The following CRTC1 variants were observed in gnomAD, a reference collection of about 807,000 sequenced individuals.
The protein encoded by CRTC1 is CREB-regulated transcription coactivator 1.
Under a neutral mutation model 66.1 loss-of-function variants are expected in CRTC1, and 18 were observed. The ratio of observed to expected loss-of-function variants is 0.27; its 90% confidence interval spans 0.19 to 0.40. The LOEUF (loss-of-function observed/expected upper bound fraction) is 0.40. CRTC1 is among the 10% of genes least tolerant of loss of function. CRTC1 has a pLI of 1.00. For missense variants in CRTC1, 669 were observed against 887.9 expected, an observed-to-expected ratio of 0.75 and a Z score of 3.13; for synonymous variants, 416 against 398.8, an observed-to-expected ratio of 1.04 and a Z score of -0.51.
intron 1 of CRTC1, among the ~76,000 whole-genome samples, chr19:18,692,606 A>G (rs1234797322): frequency 6.6e-6 from 1 of 151,340 alleles, no homozygotes; most frequent in Non-Finnish European, 1.5e-5. Context: ...TGTCTCAAAA[A>G]AAAAAAAAAA....
At chr19:18,731,847 A>G (rs897028912) in intron 1 of CRTC1, among the ~76,000 whole-genome samples, 1 of 152,038 alleles carries the variant, frequency 6.6e-6, no homozygotes, top group African/African-American at 2.4e-5. Context: ...TCACCTTTGT[A>G]CCACAGACAC....
chr19:18,756,033 A>C (rs2054476720), intron 6 of CRTC1, among the ~76,000 whole-genome samples: 1 of 152,038 alleles, frequency 6.6e-6, no homozygotes, highest in Admixed American at 6.6e-5. Flanking sequence ...CGGGAAAAAA[A>C]CTTTAAAAAA....
In CRTC1 at chr19:18,782,027, G is replaced by A. The variant is rs1196690795; in HGVS notation, c.*4645G>A. On this transcript the variant is annotated 3_prime_UTR_variant, in exon 14 of 14. Coordinates refer to ENST00000321949, the MANE Select transcript of CRTC1 (RefSeq NM_015321.3). ...GCAGCCAAAGTCCACTGGCCCTGCC[G>A]TGCCCCTGAGTAGGAAACTGTCCCC... 3.9e-5 allele frequency: 9 copies of A among 228,520 alleles called. No individual in the cohort carries two copies. Among genetic ancestry groups the A allele is most frequent in the East Asian group, 3.1e-4 (5 of 16,026 alleles). 14.2% of individuals were successfully genotyped at this position (228,520 alleles called of 1,614,324 possible).
At chr19:18,715,151 C>A (rs1477505045) in intron 1 of CRTC1, among the ~76,000 whole-genome samples, 1 of 152,240 alleles carries the variant, frequency 6.6e-6, no homozygotes, top group Non-Finnish European at 1.5e-5. Context: ...CCCGGAGCTC[C>A]TTGGCTTGTA....
intron 10 of CRTC1, among the ~76,000 whole-genome samples, chr19:18,770,558 C>T (rs2054838286): frequency 6.6e-6 from 1 of 152,210 alleles, no homozygotes; most frequent in African/African-American, 2.4e-5. Context: ...GTTTTCCCTG[C>T]CCATGGCGGT....
At position 18,742,909 on chromosome 19, in the gene CRTC1, G is replaced by A. The variant is rs200456495; in HGVS notation, c.127-1G>A. Reference sequence around the variant, plus strand: ...CGCAGCTGCTGGCTTCTCTCTCGCAGCTCCAGCTCCAGAAATCCCAGTACC... The same window carrying A: ...CGCAGCTGCTGGCTTCTCTCTCGCAACTCCAGCTCCAGAAATCCCAGTACC... On this transcript the variant is annotated splice_acceptor_variant, in intron 1 of 13. Coordinates refer to ENST00000321949, the MANE Select transcript of CRTC1 (RefSeq NM_015321.3). LOFTEE classifies it high-confidence loss of function. The A allele has an allele frequency of 2.9e-5, 46 of 1,612,122 alleles. No homozygotes were observed. In the Admixed American group the frequency reaches 3.8e-4, roughly 13 times the overall value.
At position 18,779,320 on chromosome 19, in the gene CRTC1, A is replaced by G. The variant is rs2055058240; in HGVS notation, c.*1938A>G. The G allele has an allele frequency of 4.4e-6, 1 of 227,480 alleles. No homozygotes were observed. The highest frequency in any genetic ancestry group is 6.3e-5 in the East Asian group (1 of 15,846). The allele number at this position is 227,480 out of a possible 1,614,324, so 14.1% of individuals were successfully genotyped here. On this transcript the variant is annotated 3_prime_UTR_variant, in exon 14 of 14. Transcript: ENST00000321949. Reference sequence around the variant, plus strand: ...CATGTGTCTGAGCAGCCAAGTGGCCACTCATAGGAGAAGGCTCCCTGGTCA... The same window carrying G: ...CATGTGTCTGAGCAGCCAAGTGGCCGCTCATAGGAGAAGGCTCCCTGGTCA...
At chr19:18,738,348 A>C (rs935453978) in intron 1 of CRTC1, among the ~76,000 whole-genome samples, 1 of 152,126 alleles carries the variant, frequency 6.6e-6, no homozygotes, top group Non-Finnish European at 1.5e-5. Flanking sequence ...AAATAGAAGT[A>C]AAAACTATAA....
At chr19:18,708,919 C>T (rs1051927497) in intron 1 of CRTC1, among the ~76,000 whole-genome samples, 3 of 152,210 alleles carry the variant, frequency 2.0e-5, no homozygotes, top group African/African-American at 7.2e-5. Flanking sequence ...TGTGGCCACC[C>T]TGGTGACTCC....
At chr19:18,763,881 A>G (rs1208802965) in intron 8 of CRTC1, among the ~76,000 whole-genome samples, 8 of 152,184 alleles carry the variant, frequency 5.3e-5, no homozygotes, top group African/African-American at 1.9e-4. Context: ...GCGGACACTC[A>G]GGAGAAGATG....
chr19:18,720,875 C>T (rs1434524787), intron 1 of CRTC1, among the ~76,000 whole-genome samples: 6 of 128,852 alleles, frequency 4.7e-5, no homozygotes, highest in African/African-American at 1.8e-4. Context: ...CCTCTCTGCC[C>T]GAGTACACTG....
At chr19:18,719,660 G>C (rs538647244) in intron 1 of CRTC1, among the ~76,000 whole-genome samples, 1 of 152,328 alleles carries the variant, frequency 6.6e-6, no homozygotes, top group South Asian at 2.1e-4. Context: ...CAAGCCCTGT[G>C]TCAGCAGGCA....
Position 18,777,554 on chromosome 19 carries a change from C to T in CRTC1, c.*172C>T, listed in dbSNP as rs2055020284. On this transcript the variant is annotated 3_prime_UTR_variant, in exon 14 of 14. Transcript: ENST00000321949. This position sits in a 1 kb window ranked among gnomAD's most constrained non-coding sequence, Gnocchi z 5.5. ...TTGTCCACCTCCCGCGAAGCCCAATCGCGAGGCCGCGAGCCGGGCCGTCCA... is the reference window on the plus strand; with the variant it reads ...TTGTCCACCTCCCGCGAAGCCCAATTGCGAGGCCGCGAGCCGGGCCGTCCA... 3 of 613,788 alleles carry T rather than the reference C, an allele frequency of 4.9e-6. No individual in the cohort carries two copies. Among genetic ancestry groups the T allele is most frequent in the East Asian group, 3.0e-5 (1 of 33,236 alleles). 38.0% of individuals were successfully genotyped at this position (613,788 alleles called of 1,614,324 possible).
rs149956426 is a variant in CRTC1 at position 18,752,406 on chromosome 19, C to T, written c.539-1094C>T. Among the ~76,000 whole-genome samples the T allele has an allele frequency of 3.6e-3, 542 of 152,282 alleles. 5 individuals are homozygous for T. The highest frequency in any genetic ancestry group is 0.012 in the African/African-American group (515 of 41,570). On this transcript the variant is annotated intron_variant, in intron 5 of 13. Coordinates refer to ENST00000321949, the MANE Select transcript of CRTC1 (RefSeq NM_015321.3). Reference sequence around the variant, plus strand: ...TGATCACAACTCGCTGCAGCCTCTACCTCTCAGGCTCAAGCGAGCCCTCCA... The same window carrying T: ...TGATCACAACTCGCTGCAGCCTCTATCTCTCAGGCTCAAGCGAGCCCTCCA...
chr19:18,768,821 C>G lies in CRTC1; in HGVS notation c.1320+28C>G, dbSNP rs916109243. 2 of 1,572,030 alleles carry G rather than the reference C, an allele frequency of 1.3e-6. No individual in the cohort carries two copies. Among genetic ancestry groups the G allele is most frequent in the Non-Finnish European group, 1.7e-6 (2 of 1,159,884 alleles). ...AAGCCCAGGGTGGGGTCCCTCGGGG[C>G]CTGACTGGGGGTCTTGTAGAGGACA... On this transcript the variant is annotated intron_variant, in intron 10 of 13. Transcript: ENST00000321949. The surrounding 1 kb of genome is among the most constrained non-coding windows in gnomAD (Gnocchi z 5.6).
At position 18,779,988 on chromosome 19, in the gene CRTC1, G is replaced by A. The variant is rs1252984200; in HGVS notation, c.*2606G>A. 1.7e-5 allele frequency: 4 copies of A among 228,774 alleles called. No homozygotes were observed. The highest frequency in any genetic ancestry group is 6.2e-5 in the East Asian group (1 of 16,070). The allele number at this position is 228,774 out of a possible 1,614,324, so 14.2% of individuals were successfully genotyped here. A position where few individuals can be genotyped will look rare whatever the true frequency, so the allele number is the denominator to read the frequency against. On this transcript the variant is annotated 3_prime_UTR_variant, in exon 14 of 14. Transcript: ENST00000321949. ...CTGTATCACGGCCTTTTGTGTGTGC[G>A]TACGTGTGGTTTTTTTAAATATCAC...
Position 18,760,110 on chromosome 19 carries a change from C to A in CRTC1, c.768C>A (p.Ser256=), listed in dbSNP as rs755037399. ...ACCTGACCAACATCCACTTCCCCTC[C>A]CCGCTCCCGACCCCGCTGGACCCCG... ...LPDLTNIHFP[S]PLPTPLDPEE... The change falls in exon 8 of 14, where the codon TCC becomes TCA. Residue 256 remains serine (S), a synonymous_variant. Transcript: ENST00000321949. The surrounding 1 kb of genome is among the most constrained non-coding windows in gnomAD (Gnocchi z 6.2). 2.5e-6 allele frequency: 4 copies of A among 1,613,970 alleles called. No individual in the cohort carries two copies. In the South Asian group the frequency reaches 4.4e-5, roughly 18 times the overall value.
intron 1 of CRTC1, among the ~76,000 whole-genome samples, chr19:18,688,109 T>G (rs1278109980): frequency 6.6e-6 from 1 of 151,982 alleles, no homozygotes; most frequent in Non-Finnish European, 1.5e-5. Context: ...GGGGCTGTGT[T>G]CTTGGGGAGC....
intron 1 of CRTC1, among the ~76,000 whole-genome samples, chr19:18,689,564 C>CAT (rs10616884): frequency 0.1 from 3,896 of 38,192 alleles, 366 homozygotes; most frequent in African/African-American, 0.16. Context: ...AATTGATGGC[C>CAT]ATATATATAT....
Sources: allele counts gnomAD v4.1 joint callset (sites outside exome capture counted in the v4.1 genomes callset), GRCh38; gene constraint gnomAD v4.1.1; non-coding constraint Gnocchi (gnomAD v3.1); transcripts MANE v1.5; gene names NCBI Gene and HGNC (gene_info 2026-07-23, HGNC 2026-07-21).